OCA2: variants seen among roughly 807,000 people sequenced by gnomAD.
OCA2 encodes the protein P protein.
OCA2 carries 77 observed loss-of-function variants against 100.2 expected under a neutral mutation model. The observed-to-expected ratio is 0.77, with a 90% CI of 0.64 to 0.93. OCA2 has a LOEUF of 0.93. OCA2 is among the 40% of genes least tolerant of loss of function. The pLI is 0.00. For synonymous variants in OCA2, 432 were observed against 439.2 expected, an observed-to-expected ratio of 0.98 and a Z score of 0.21; for missense variants, 1,062 against 1,089.1, an observed-to-expected ratio of 0.98 and a Z score of 0.35.
chr15:27,902,145 A>G (rs2037963525), intron 19 of OCA2, among the ~76,000 whole-genome samples: 1 of 152,194 alleles, frequency 6.6e-6, no homozygotes, highest in Non-Finnish European at 1.5e-5. Flanking sequence ...AGCATGAGAA[A>G]CCCCACTGAT....
At chr15:28,077,203 G>A (rs2044460469) in intron 2 of OCA2, among the ~76,000 whole-genome samples, 1 of 152,016 alleles carries the variant, frequency 6.6e-6, no homozygotes, top group Non-Finnish European at 1.5e-5. Flanking sequence ...GGGATTATAG[G>A]CATGTGCCAC....
At chr15:27,805,581 A>C (rs926314536) in intron 23 of OCA2, among the ~76,000 whole-genome samples, 1 of 152,014 alleles carries the variant, frequency 6.6e-6, no homozygotes, top group Non-Finnish European at 1.5e-5. Context: ...TGTTGGCGGG[A>C]GGGGAGGAGG....
intron 2 of OCA2, among the ~76,000 whole-genome samples, chr15:28,038,871 C>A (rs1479027135): frequency 6.6e-6 from 1 of 152,124 alleles, no homozygotes; most frequent in African/African-American, 2.4e-5. Flanking sequence ...CAAAGAGTGG[C>A]AGAATGGATT....
At chr15:27,871,518 A>C (rs2036573071) in intron 20 of OCA2, among the ~76,000 whole-genome samples, 1 of 152,148 alleles carries the variant, frequency 6.6e-6, no homozygotes, top group African/African-American at 2.4e-5. Context: ...CCTCATCCCC[A>C]TGTGGTGGCT....
intron 21 of OCA2, among the ~76,000 whole-genome samples, chr15:27,852,827 C>G (rs1201304109): frequency 3.0e-5 from 4 of 131,854 alleles, no homozygotes; most frequent in African/African-American, 2.9e-5. Context: ...AAAAAATGCT[C>G]ATCATCACTG....
At chr15:27,741,739 G>C in the OCA2 span, among the ~76,000 whole-genome samples, 1 of 152,162 alleles carries the variant, frequency 6.6e-6, no homozygotes, top group African/African-American at 2.4e-5. Context: ...AAAAGATAAG[G>C]GAGGGGACGG....
At chr15:27,886,991 T>TG (rs959885939) in intron 19 of OCA2, among the ~76,000 whole-genome samples, 1 of 152,150 alleles carries the variant, frequency 6.6e-6, no homozygotes, top group Non-Finnish European at 1.5e-5. Flanking sequence ...AATTGAATCA[T>TG]GGGGGGCTGC....
At chr15:27,865,500 G>A (rs989249880) in intron 21 of OCA2, among the ~76,000 whole-genome samples, 1 of 152,198 alleles carries the variant, frequency 6.6e-6, no homozygotes, top group Non-Finnish European at 1.5e-5. Context: ...CTGTGTTCAT[G>A]CTGTGTCTGC....
At chr15:27,891,553 G>C in intron 19 of OCA2, among the ~76,000 whole-genome samples, 1 of 152,180 alleles carries the variant, frequency 6.6e-6, no homozygotes, top group East Asian at 1.9e-4. Context: ...ACATTCTTCT[G>C]TATACTTTAA....
chr15:27,775,179 C>T (rs1293865834), intron 23 of OCA2, among the ~76,000 whole-genome samples: 2 of 152,130 alleles, frequency 1.3e-5, no homozygotes, highest in Non-Finnish European at 2.9e-5. Context: ...AGCTGGCCCA[C>T]ACAGTAGGGT....
chr15:27,904,951 G>C (rs1487702419), intron 19 of OCA2, among the ~76,000 whole-genome samples: 1 of 152,168 alleles, frequency 6.6e-6, no homozygotes, highest in Non-Finnish European at 1.5e-5. Flanking sequence ...ATCACCTGAG[G>C]TCAGGAGTTC....
At chr15:28,039,697 C>T (rs979196372) in intron 2 of OCA2, among the ~76,000 whole-genome samples, 1 of 152,088 alleles carries the variant, frequency 6.6e-6, no homozygotes. Context: ...AAAATGAAGC[C>T]ATTAGGATGG....
intron 22 of OCA2, among the ~76,000 whole-genome samples, chr15:27,845,953 C>A (rs768781529): frequency 6.6e-6 from 1 of 152,156 alleles, no homozygotes; most frequent in African/African-American, 2.4e-5. Flanking sequence ...GGAGGCCCCA[C>A]GTCCCCATGA....
intron 1 of OCA2, among the ~76,000 whole-genome samples, chr15:28,086,307 T>C (rs2044775240): frequency 6.6e-6 from 1 of 152,062 alleles, no homozygotes; most frequent in African/African-American, 2.4e-5. Context: ...AGGTCAGTAA[T>C]GAGCAGTAAT....
chr15:27,977,845 A>G (rs2041020038), intron 14 of OCA2, among the ~76,000 whole-genome samples: 1 of 152,184 alleles, frequency 6.6e-6, no homozygotes, highest in African/African-American at 2.4e-5. Flanking sequence ...CTGCCACATG[A>G]GGACACAGTG....
chr15:27,738,711 A>G, the OCA2 span, among the ~76,000 whole-genome samples: 2 of 119,572 alleles, frequency 1.7e-5, no homozygotes, highest in Admixed American at 1.8e-4. Flanking sequence ...CTCCAGCGAG[A>G]CTCGGTCTCA....
At chr15:28,029,147 G>A (rs1354872189) in intron 3 of OCA2, among the ~76,000 whole-genome samples, 3 of 152,206 alleles carry the variant, frequency 2.0e-5, no homozygotes, top group Non-Finnish European at 4.4e-5. Flanking sequence ...TGACACACTA[G>A]AATGGAGCCA....
intron 19 of OCA2, among the ~76,000 whole-genome samples, chr15:27,906,123 C>A (rs189840754): frequency 2.6e-5 from 4 of 152,128 alleles, no homozygotes; most frequent in Non-Finnish European, 5.9e-5. Context: ...CATGATAGGG[C>A]CACTATAATT....
At position 27,990,625 on chromosome 15, in the gene OCA2, G is replaced by A. The variant is rs1340355143; in HGVS notation, c.1067C>T (p.Ala356Val). 1 of 1,613,898 alleles carries A rather than the reference G, an allele frequency of 6.2e-7. No individual in the cohort carries two copies. The highest frequency in any genetic ancestry group is 1.3e-5 in the African/African-American group (1 of 74,914). Residue 356 changes from alanine (A) to valine (V), a missense_variant, in exon 10 of 24, where the codon GCC becomes GTC. By Grantham distance (64) the Ala-to-Val change is moderately conservative (BLOSUM62 0). Transcript: ENST00000354638. ...IFEIVHRTLA[A>V]MLGSLAALAA... is the part of the protein sequence containing the mutation. ...CAGTGCTGCAAGGGAACCCAGCATG[G>A]CCGCCAGAGTTCTGTGCACGATCTG...
Sources: gnomAD v4.1 joint callset for allele counts (sites outside exome capture counted in the v4.1 genomes callset) on GRCh38, gnomAD v4.1.1 for gene constraint, MANE v1.5 for transcripts, NCBI Gene and HGNC (gene_info 2026-07-23, HGNC 2026-07-21) for gene names.